The following E2F6 variants were observed in gnomAD, a reference collection of about 807,000 sequenced individuals.
E2F6 encodes transcription factor E2F6.
A neutral mutation model predicts 31.5 loss-of-function variants in E2F6; 19 were observed. The observed-to-expected ratio is 0.60, with a 90% confidence interval of 0.42 to 0.89. The LOEUF is 0.89. Ranked by LOEUF, E2F6 falls within the 40% of genes least tolerant of loss-of-function variation. The pLI is 0.00. For synonymous variants in E2F6, 121 were observed against 127.7 expected, an observed-to-expected ratio of 0.95 and a Z score of 0.36; for missense variants, 269 against 341.6, an observed-to-expected ratio of 0.79 and a Z score of 1.67.
chr2:11,451,242 C>T, intron 4 of E2F6: 1 of 158,440 alleles, frequency 6.3e-6, no homozygotes, highest in East Asian at 1.9e-4. Context: ...GGTACTGTAC[C>T]CCTGAGGTCA....
chr2:11,463,055 T>G (rs1671883393), intron 1 of E2F6, among the ~76,000 whole-genome samples: 1 of 152,338 alleles, frequency 6.6e-6, no homozygotes, highest in Admixed American at 6.5e-5. Flanking sequence ...AAGGGATGTA[T>G]CTGCTGATAC....
chr2:11,463,119 C>A (rs1439714034), intron 1 of E2F6, among the ~76,000 whole-genome samples: 1 of 152,198 alleles, frequency 6.6e-6, no homozygotes, highest in Non-Finnish European at 1.5e-5. Flanking sequence ...TTATCACGTT[C>A]TCAAATATTA....
chr2:11,465,557 TC>T (rs1672113529), intron 1 of E2F6, among the ~76,000 whole-genome samples: 6 of 152,184 alleles, frequency 3.9e-5, no homozygotes. Flanking sequence ...GCTCTGAAGT[TC>T]CGATGTAAAA....
intron 3 of E2F6, among the ~76,000 whole-genome samples, chr2:11,453,354 T>A (rs1165448692): frequency 6.6e-6 from 1 of 152,220 alleles, no homozygotes; most frequent in Non-Finnish European, 1.5e-5. Context: ...TTTTACAACC[T>A]TAACAAATTT....
intron 1 of E2F6, among the ~76,000 whole-genome samples, chr2:11,462,775 T>C (rs1158711682): frequency 3.9e-5 from 6 of 152,228 alleles, no homozygotes; most frequent in Non-Finnish European, 7.3e-5. Flanking sequence ...TGGGTGGTAC[T>C]GGACAGCTCA....
At chr2:11,459,352 C>T (rs929326320) in intron 1 of E2F6, among the ~76,000 whole-genome samples, 2 of 152,134 alleles carry the variant, frequency 1.3e-5, no homozygotes, top group Non-Finnish European at 2.9e-5. Context: ...CAGGTTGGTA[C>T]AGAAATAACA....
At chr2:11,451,574 TC>T in intron 4 of E2F6, 76 bp downstream of exon 4, 1 of 1,362,684 alleles carries the variant, frequency 7.3e-7, no homozygotes, top group Non-Finnish European at 9.8e-7. Flanking sequence ...ATAAATTAAG[TC>T]CCCAAGCTGA....
At position 11,453,639 on chromosome 2, in the gene E2F6, T is replaced by C. The variant is rs780272589; in HGVS notation, c.323A>G (p.Asn108Ser). 1.2e-5 allele frequency: 19 copies of C among 1,614,052 alleles called. No individual in the cohort carries two copies. Among genetic ancestry groups the C allele is most frequent in the Middle Eastern group, 1.6e-4 (1 of 6,082 alleles). ...AACGAGGTCGATTCCATCTAAGACA[T>C]TGGTGATGTCATACACTCTCCGCTT... ...VRKRRVYDIT[N>S]VLDGIDLVEK... Residue 108 changes from asparagine (N) to serine (S), a missense_variant, in exon 3 of 7, where the codon AAT becomes AGT. Physicochemically the swap from Asn to Ser is conservative, Grantham distance 46. Transcript: ENST00000381525.
chr2:11,459,328 TAGAC>T (rs1572509295), intron 1 of E2F6, among the ~76,000 whole-genome samples: 1 of 152,290 alleles, frequency 6.6e-6, no homozygotes, highest in East Asian at 1.9e-4. Flanking sequence ...CCATCTCATC[TAGAC>T]AGTGGATCAC....
chr2:11,452,807 T>G (rs570824499), intron 3 of E2F6, among the ~76,000 whole-genome samples: 47 of 152,230 alleles, frequency 3.1e-4, no homozygotes, highest in Non-Finnish European at 5.6e-4. Flanking sequence ...CGATATAAAC[T>G]CCTAAAGTGT....
At chr2:11,451,566 A>G in intron 4 of E2F6, 85 bp downstream of exon 4, 6 of 1,317,302 alleles carry the variant, frequency 4.6e-6, no homozygotes, top group Non-Finnish European at 6.1e-6. Flanking sequence ...TTAAATATAT[A>G]AATTAAGTCC....
intron 5 of E2F6, among the ~76,000 whole-genome samples, chr2:11,449,074 C>T (rs531167890): frequency 6.6e-6 from 1 of 152,282 alleles, no homozygotes; most frequent in East Asian, 1.9e-4. Flanking sequence ...CAGCTCACAG[C>T]ATAGGGAAAA....
rs761460453 is a variant in E2F6, at chr2:11,451,718, A to G, written c.469T>C (p.Leu157=). 1 of 1,610,846 alleles carries G rather than the reference A, an allele frequency of 6.2e-7. No individual in the cohort carries two copies. The highest frequency in any genetic ancestry group is 8.5e-7 in the Non-Finnish European group (1 of 1,178,110). ...GCACAATCCTTAATTAACTCATCCA[A>G]AGCATCTTCCATTGCTGATAAGTCA... ...LSDLSAMEDA[L]DELIKDCAQQ... Residue 157 remains leucine (L), a synonymous_variant, in exon 4 of 7, where the codon TTG becomes CTG. Coordinates refer to ENST00000381525, the MANE Select transcript of E2F6 (RefSeq NM_198256.4).
chr2:11,457,005 A>C, intron 2 of E2F6, 174 bp downstream of exon 2: 1 of 582,344 alleles, frequency 1.7e-6, no homozygotes, highest in Non-Finnish European at 3.1e-6. Context: ...ATTTGTGCAC[A>C]TGATTCAACC....
chr2:11,461,301 C>T (rs950207870), intron 1 of E2F6, among the ~76,000 whole-genome samples: 1 of 152,184 alleles, frequency 6.6e-6, no homozygotes, highest in African/African-American at 2.4e-5. Context: ...AATACCCTCA[C>T]TTTAACAGTA....
chr2:11,448,063 G>A (rs1362600144), intron 5 of E2F6, among the ~76,000 whole-genome samples: 1 of 152,138 alleles, frequency 6.6e-6, no homozygotes. Flanking sequence ...TGATGACACA[G>A]AACTCCAGAA....
chr2:11,455,464 C>A, intron 2 of E2F6: 2 of 1,297,772 alleles, frequency 1.5e-6, no homozygotes, highest in Non-Finnish European at 2.0e-6. Context: ...TCTCTGGAGC[C>A]CATTCCTACA....
At chr2:11,464,517 CAAAAA>C (rs559562627) in intron 1 of E2F6, among the ~76,000 whole-genome samples, 1 of 44,658 alleles carries the variant, frequency 2.2e-5, no homozygotes, top group Non-Finnish European at 4.0e-5. Context: ...ACTTCGTCAC[CAAAAA>C]AAAAAAAAAA....
At chr2:11,465,560 G>A (rs909811739) in intron 1 of E2F6, among the ~76,000 whole-genome samples, 8 of 152,204 alleles carry the variant, frequency 5.3e-5, no homozygotes, top group African/African-American at 1.9e-4. Context: ...CTGAAGTTCC[G>A]ATGTAAAAGC....
Sources: gnomAD v4.1 joint callset for allele counts (sites outside exome capture counted in the v4.1 genomes callset) on GRCh38, gnomAD v4.1.1 for gene constraint, MANE v1.5 for transcripts, NCBI Gene and HGNC (gene_info 2026-07-23, HGNC 2026-07-21) for gene names.